OSBPL8: variants seen among roughly 807,000 people sequenced by gnomAD.
OSBPL8 encodes oxysterol-binding protein-related protein 8.
OSBPL8 carries 59 observed loss-of-function variants against 125.5 expected under a neutral mutation model. That is an observed-to-expected ratio of 0.47 (90% CI 0.38 to 0.58). The LOEUF is 0.58. Ranked by LOEUF, OSBPL8 falls within the 20% of genes least tolerant of loss-of-function variation. OSBPL8 has a pLI of 0.00. For missense variants in OSBPL8, 758 were observed against 1,047.8 expected (o/e 0.72, Z 3.82); for synonymous variants, 330 against 338.9 (o/e 0.97, Z 0.29).
At chr12:76,552,187 G>A (rs574965945) in intron 1 of OSBPL8, among the ~76,000 whole-genome samples, 164 of 152,140 alleles carry the variant, frequency 1.1e-3, no homozygotes, top group African/African-American at 3.6e-3. Context: ...CACTTTGGGA[G>A]GCTGAGGCGG....
intron 4 of OSBPL8, among the ~76,000 whole-genome samples, chr12:76,437,255 G>A (rs778607159): frequency 1.8e-4 from 28 of 152,118 alleles, no homozygotes; most frequent in Non-Finnish European, 2.5e-4. Flanking sequence ...GCTTCCATCC[G>A]TTGTAAATGG....
chr12:76,549,264 CTG>C (rs1950870971), intron 1 of OSBPL8, among the ~76,000 whole-genome samples: 2 of 152,216 alleles, frequency 1.3e-5, no homozygotes, highest in African/African-American at 4.8e-5. Flanking sequence ...GTAAGAGCAA[CTG>C]AGTATCTAGA....
At chr12:76,483,133 G>T (rs1475608900) in intron 2 of OSBPL8, among the ~76,000 whole-genome samples, 4 of 152,016 alleles carry the variant, frequency 2.6e-5, no homozygotes, top group Admixed American at 6.6e-5. Context: ...GGTGGCGCTC[G>T]CCTGTAGTCC....
chr12:76,548,698 C>T (rs1258259108), intron 1 of OSBPL8, among the ~76,000 whole-genome samples: 2 of 152,194 alleles, frequency 1.3e-5, no homozygotes, highest in East Asian at 3.9e-4. Context: ...GAGACAGATC[C>T]TACTCTGTAC....
At chr12:76,554,465 T>C (rs1257112567) in intron 1 of OSBPL8, among the ~76,000 whole-genome samples, 1 of 152,234 alleles carries the variant, frequency 6.6e-6, no homozygotes, top group Non-Finnish European at 1.5e-5. Flanking sequence ...TAGTAGGCTC[T>C]ACCACCTACT....
chr12:76,433,273 A>G (rs1871063634), intron 4 of OSBPL8, among the ~76,000 whole-genome samples: 1 of 152,212 alleles, frequency 6.6e-6, no homozygotes, highest in South Asian at 2.1e-4. Flanking sequence ...ACAGGAAAGG[A>G]AAAAATAAAA....
chr12:76,499,459 CTCAAGCGA>C (rs1273890139), intron 1 of OSBPL8, among the ~76,000 whole-genome samples: 5 of 152,108 alleles, frequency 3.3e-5, no homozygotes, highest in Admixed American at 6.6e-5. Flanking sequence ...AATCCCTAGG[CTCAAGCGA>C]TCAAGCGATC....
rs1186967058 is a variant in OSBPL8, at chr12:76,389,846, A to C, written c.1168-17T>G. 1.4e-6 allele frequency: 2 copies of C among 1,460,978 alleles called. No homozygotes were observed. Among genetic ancestry groups the C allele is most frequent in the African/African-American group, 1.4e-5 (1 of 70,072 alleles). 90.5% of individuals were successfully genotyped at this position (1,460,978 alleles called of 1,614,324 possible). On this transcript the variant is annotated splice_polypyrimidine_tract_variant and intron_variant, in intron 11 of 23. Transcript: ENST00000261183. The stretch of plus-strand genomic sequence containing the variant: ...CTCACCTGCCTTTATCAATTAATGA[A>C]AATTACCAAAACATTATATTTATTT...
In OSBPL8 at chr12:76,420,898, C is replaced by A. The variant is rs368905924; in HGVS notation, c.218-10264G>T. Among the ~76,000 whole-genome samples, 4 of 152,048 alleles carry A rather than the reference C, an allele frequency of 2.6e-5. No homozygotes were observed. In the South Asian group the frequency reaches 6.2e-4, roughly 24 times the overall value. On this transcript the variant is annotated intron_variant, in intron 4 of 23. Coordinates refer to ENST00000261183, the MANE Select transcript of OSBPL8 (RefSeq NM_020841.5). ...GTATTAAGGAGATGATGGAATCATT[C>A]CTATGAATATGATTTTCTCTATTTC...
At chr12:76,483,223 T>C (rs1204389819) in intron 2 of OSBPL8, among the ~76,000 whole-genome samples, 1 of 152,076 alleles carries the variant, frequency 6.6e-6, no homozygotes, top group Non-Finnish European at 1.5e-5. Flanking sequence ...ATTATGCCAC[T>C]GCACTCCAGC....
intron 1 of OSBPL8, among the ~76,000 whole-genome samples, chr12:76,507,848 T>C (rs1445833690): frequency 2.0e-5 from 3 of 147,010 alleles, no homozygotes; most frequent in Non-Finnish European, 4.5e-5. Flanking sequence ...TGCTGAGCCA[T>C]GAATACATTA....
intron 21 of OSBPL8, among the ~76,000 whole-genome samples, chr12:76,359,556 G>C (rs1437149395): frequency 6.6e-6 from 1 of 152,198 alleles, no homozygotes; most frequent in Non-Finnish European, 1.5e-5. Flanking sequence ...ACTAGAATCA[G>C]AAAGACAAGA....
intron 4 of OSBPL8, among the ~76,000 whole-genome samples, chr12:76,446,980 C>G (rs1376595868): frequency 2.0e-5 from 3 of 152,146 alleles, no homozygotes; most frequent in African/African-American, 7.2e-5. Flanking sequence ...CACAGCCTAC[C>G]TTTTCTGTAG....
intron 5 of OSBPL8, among the ~76,000 whole-genome samples, chr12:76,409,636 A>G (rs1954427798): frequency 6.6e-6 from 1 of 152,202 alleles, no homozygotes; most frequent in African/African-American, 2.4e-5. Flanking sequence ...CATGTTATAT[A>G]AATACAAAGT....
At chr12:76,358,902 G>C in intron 21 of OSBPL8, 91 bp from the exon 22 acceptor site, 1 of 890,272 alleles carries the variant, frequency 1.1e-6, no homozygotes, top group Non-Finnish European at 1.8e-6. Flanking sequence ...CTGCACATAG[G>C]CATGATATTC....
At chr12:76,378,157 G>A (rs1185633779) in intron 16 of OSBPL8, among the ~76,000 whole-genome samples, 2 of 151,844 alleles carry the variant, frequency 1.3e-5, no homozygotes, top group Non-Finnish European at 2.9e-5. Context: ...AATAATAGAC[G>A]GTTTTGTCAA....
intron 12 of OSBPL8, 138 bp downstream of exon 12, chr12:76,389,507 C>A: frequency 1.5e-6 from 1 of 651,172 alleles, no homozygotes; most frequent in South Asian, 3.3e-5. Flanking sequence ...AAGGGTCAAC[C>A]ACAGAAGTGG....
chr12:76,472,263 T>C (rs1339748867), intron 2 of OSBPL8, among the ~76,000 whole-genome samples: 3 of 152,192 alleles, frequency 2.0e-5, no homozygotes, highest in African/African-American at 7.2e-5. Context: ...ATATGTAAAA[T>C]TGGTCTTTAG....
In OSBPL8 at chr12:76,453,042, T is replaced by C. The variant is rs928023274; in HGVS notation, c.80-2054A>G. On this transcript the variant is annotated intron_variant, in intron 3 of 23. Coordinates refer to ENST00000261183, the MANE Select transcript of OSBPL8 (RefSeq NM_020841.5). ...GTTAGTACCCACCACTTCACAGTTA[T>C]ACTATTATCACTTTACCTTACATGA... Among the ~76,000 whole-genome samples the C allele has an allele frequency of 4.6e-5, 7 of 152,232 alleles. No homozygotes were observed. In the East Asian group the frequency reaches 9.7e-4, roughly 21 times the overall value.
Sources: gnomAD v4.1 joint callset for allele counts (sites outside exome capture counted in the v4.1 genomes callset) on GRCh38, gnomAD v4.1.1 for gene constraint, MANE v1.5 for transcripts, NCBI Gene and HGNC (gene_info 2026-07-23, HGNC 2026-07-21) for gene names.